The following SH2D4A variants were observed in gnomAD, a reference collection of about 807,000 sequenced individuals.
SH2D4A encodes SH2 domain-containing protein 4A.
Under a neutral mutation model 64.7 loss-of-function variants are expected in SH2D4A, and 70 were observed. The ratio of observed to expected loss-of-function variants is 1.08; its 90% CI spans 0.89 to 1.32. The LOEUF is 1.32. SH2D4A is among the 40% of genes most tolerant of loss of function. SH2D4A has a pLI of 0.00. For synonymous variants in SH2D4A, 268 were observed against 200.7 expected (o/e 1.34, Z -2.83); for missense variants, 706 against 540.1 (o/e 1.31, Z -3.04).
At chr8:19,340,629 A>G (rs570049998) in intron 4 of SH2D4A, among the ~76,000 whole-genome samples, 46 of 121,498 alleles carry the variant, frequency 3.8e-4, no homozygotes, top group Non-Finnish European at 6.4e-4. Flanking sequence ...TTTTTGAGAC[A>G]GGGTCTTGCT....
intron 1 of SH2D4A, among the ~76,000 whole-genome samples, chr8:19,314,491 C>T (rs2052052748): frequency 6.6e-6 from 1 of 152,090 alleles, no homozygotes; most frequent in South Asian, 2.1e-4. Context: ...GCCCAGTGCG[C>T]TCAGCCAAGC....
At position 19,326,252 on chromosome 8, in the gene SH2D4A, A is replaced by G. The variant is rs1034987710; in HGVS notation, c.181+6524A>G. Among the ~76,000 whole-genome samples the G allele has an allele frequency of 3.2e-4, 49 of 152,196 alleles. 4 individuals are homozygous for G. On this transcript the variant is annotated intron_variant, in intron 2 of 9. Transcript: ENST00000265807. ...ATCACCTGAGCTGATATTTAGTGAC[A>G]GATAGGGCATGGGCATCAACCAGTT...
At chr8:19,319,779 G>C (rs1158080850) in intron 2 of SH2D4A, 51 bp downstream of exon 2, 2 of 1,477,774 alleles carry the variant, frequency 1.4e-6, no homozygotes, top group Non-Finnish European at 1.8e-6. Context: ...ACAGCTCCTG[G>C]CTTGCTTTGA....
At chr8:19,331,463 G>T (rs2052364322) in intron 2 of SH2D4A, among the ~76,000 whole-genome samples, 1 of 152,138 alleles carries the variant, frequency 6.6e-6, no homozygotes, top group African/African-American at 2.4e-5. Flanking sequence ...GTCTCTGTTG[G>T]CCTCTCCTAG....
chr8:19,320,435 G>A (rs2052168592), intron 2 of SH2D4A, among the ~76,000 whole-genome samples: 1 of 151,890 alleles, frequency 6.6e-6, no homozygotes, highest in African/African-American at 2.4e-5. Flanking sequence ...TGACCAGCCT[G>A]GAAATATAGT....
At chr8:19,372,255 C>T (rs1585195455) in intron 7 of SH2D4A, among the ~76,000 whole-genome samples, 2 of 152,158 alleles carry the variant, frequency 1.3e-5, no homozygotes, top group South Asian at 4.1e-4. Flanking sequence ...CATCTCAGCA[C>T]TAGAGGGCGC....
intron 2 of SH2D4A, 79 bp from the exon 3 acceptor site, chr8:19,332,876 A>G (rs1204116457): frequency 1.6e-5 from 23 of 1,414,612 alleles, no homozygotes; most frequent in Middle Eastern, 1.9e-4. Context: ...GACCCAAAAT[A>G]CTTTAGTGAT....
rs549493023 is a variant in SH2D4A, at chr8:19,392,975, T to A, written c.1049-343T>A. On this transcript the variant is annotated intron_variant, in intron 8 of 9. Coordinates refer to ENST00000265807, the MANE Select transcript of SH2D4A (RefSeq NM_022071.4). Reference sequence around the variant, plus strand: ...TCAGGATGGTCTCGATCTCCTGACCTCGTGATCCACCCACCTCGGCCTCTC... The same window carrying A: ...TCAGGATGGTCTCGATCTCCTGACCACGTGATCCACCCACCTCGGCCTCTC... Among the ~76,000 whole-genome samples, 552 of 152,200 alleles carry A rather than the reference T, an allele frequency of 3.6e-3. 9 individuals carry two copies. Among genetic ancestry groups the A allele is most frequent in the African/African-American group, 0.013 (523 of 41,508 alleles).
intron 2 of SH2D4A, among the ~76,000 whole-genome samples, chr8:19,326,719 G>A (rs150235133): frequency 3.4e-3 from 522 of 152,028 alleles, no homozygotes; most frequent in Non-Finnish European, 5.8e-3. Context: ...CCCCCCTCTC[G>A]CACACACGTC....
intron 8 of SH2D4A, among the ~76,000 whole-genome samples, chr8:19,388,731 A>G (rs2053431894): frequency 6.6e-6 from 1 of 152,238 alleles, no homozygotes. Flanking sequence ...CTTAGAATAG[A>G]GGCAGTGGCT....
At chr8:19,362,112 G>A (rs1335347971) in intron 6 of SH2D4A, among the ~76,000 whole-genome samples, 1 of 152,200 alleles carries the variant, frequency 6.6e-6, no homozygotes, top group African/African-American at 2.4e-5. Flanking sequence ...GAAGACAGCA[G>A]GTATGGCTAT....
chr8:19,370,040 G>C (rs946482091), intron 7 of SH2D4A, among the ~76,000 whole-genome samples: 2 of 151,876 alleles, frequency 1.3e-5, no homozygotes, highest in African/African-American at 4.8e-5. Context: ...AACATTTTTG[G>C]TTTCTGAAAT....
intron 4 of SH2D4A, among the ~76,000 whole-genome samples, chr8:19,355,272 T>C (rs920057122): frequency 7.2e-5 from 11 of 152,132 alleles, no homozygotes; most frequent in Non-Finnish European, 1.6e-4. Flanking sequence ...GGGCCTGTTT[T>C]TAAAGCTCTC....
intron 1 of SH2D4A, among the ~76,000 whole-genome samples, chr8:19,318,437 A>G (rs975297098): frequency 6.6e-6 from 1 of 152,238 alleles, no homozygotes; most frequent in Non-Finnish European, 1.5e-5. Context: ...TAAAATAGAA[A>G]TGTGGAAAGT....
chr8:19,346,446 A>G (rs545716027), intron 4 of SH2D4A, among the ~76,000 whole-genome samples: 25 of 152,352 alleles, frequency 1.6e-4, no homozygotes, highest in African/African-American at 6.0e-4. Flanking sequence ...ACGATCTGTC[A>G]CTGCCTCCCA....
chr8:19,313,871 TGGGAGTAGG>T, intron 1 of SH2D4A, 48 bp downstream of exon 1: 1 of 1,416,712 alleles, frequency 7.1e-7, no homozygotes, highest in Non-Finnish European at 9.2e-7. Context: ...GTGCGTGGGG[TGGGAGTAGG>T]GGGAAGGGAA....
chr8:19,393,876 C>G (rs1008825860), intron 9 of SH2D4A, among the ~76,000 whole-genome samples: 1 of 152,188 alleles, frequency 6.6e-6, no homozygotes, highest in Non-Finnish European at 1.5e-5. Flanking sequence ...GACAATTTCT[C>G]CATGGACTCA....
intron 1 of SH2D4A, among the ~76,000 whole-genome samples, chr8:19,318,542 C>T (rs755788151): frequency 9.2e-5 from 14 of 152,258 alleles, no homozygotes; most frequent in Middle Eastern, 3.4e-3. Flanking sequence ...AGGAGCCATG[C>T]GGTAAAGTCA....
At chr8:19,373,763 C>G in intron 8 of SH2D4A, 103 bp downstream of exon 8, 1 of 1,393,932 alleles carries the variant, frequency 7.2e-7, no homozygotes, top group African/African-American at 1.4e-5. Flanking sequence ...TTGGTGCTGC[C>G]CAAAAAGAGT....
Sources: gnomAD v4.1 joint callset for allele counts (sites outside exome capture counted in the v4.1 genomes callset) on GRCh38, gnomAD v4.1.1 for gene constraint, MANE v1.5 for transcripts, NCBI Gene and HGNC (gene_info 2026-07-23, HGNC 2026-07-21) for gene names.